PFKP: variants seen among roughly 807,000 people sequenced by gnomAD.
The protein encoded by PFKP is ATP-dependent 6-phosphofructokinase, platelet type.
In PFKP, 101 loss-of-function variants were observed where a neutral mutation model predicts 94.3. That is an observed-to-expected ratio of 1.07 (90% CI 0.91 to 1.26). The LOEUF (loss-of-function observed/expected upper bound fraction) is 1.26, where lower values mean the gene tolerates loss of function less well. Ranked by LOEUF, PFKP falls within the 50% of genes most tolerant of loss-of-function variation. The probability of loss-of-function intolerance (pLI) is 0.00; values close to 1 mark genes in which losing one functional copy is unlikely to be tolerated. For missense variants in PFKP, 1,145 were observed against 1,103.3 expected (o/e 1.04, Z -0.53); for synonymous variants, 573 against 432.6 (o/e 1.32, Z -4.03).
chr10:3,112,150 T>C, intron 10 of PFKP, 72 bp from the exon 11 acceptor site: 1 of 1,273,970 alleles, frequency 7.8e-7, no homozygotes, highest in South Asian at 1.2e-5. Flanking sequence ...ACCGAGCCAG[T>C]CTCTACCTAC....
intron 1 of PFKP, chr10:3,069,425 C>G (rs762732855): frequency 1.3e-6 from 2 of 1,559,218 alleles, no homozygotes; most frequent in African/African-American, 2.7e-5. Flanking sequence ...GGGATAGGAC[C>G]CAGAGTGGCT....
chr10:3,109,591 C>A (rs75614428), intron 10 of PFKP, 111 bp downstream of exon 10: 3 of 1,336,498 alleles, frequency 2.2e-6, no homozygotes, highest in Admixed American at 2.0e-5. Flanking sequence ...ATGCATTACA[C>A]GGCCTTTCTG....
chr10:3,086,328 TTC>T (rs1833596568), intron 2 of PFKP, among the ~76,000 whole-genome samples: 1 of 152,166 alleles, frequency 6.6e-6, no homozygotes, highest in Non-Finnish European at 1.5e-5. Context: ...AGGAAATCAC[TTC>T]TCTTATTTCA....
chr10:3,087,989 T>TC (rs1554762407), intron 2 of PFKP, among the ~76,000 whole-genome samples: 2 of 137,846 alleles, frequency 1.5e-5, no homozygotes, highest in Non-Finnish European at 3.1e-5. Flanking sequence ...TCATTCTTTT[T>TC]TTTTTTTTTT....
chr10:3,120,716 G>A (rs1366706781), intron 16 of PFKP, among the ~76,000 whole-genome samples: 1 of 152,110 alleles, frequency 6.6e-6, no homozygotes, highest in Non-Finnish European at 1.5e-5. Flanking sequence ...CTTGAGTGCG[G>A]TGGTGTGATC....
chr10:3,132,354 C>T, intron 17 of PFKP, 26 bp from the exon 18 acceptor site: 6 of 1,565,178 alleles, frequency 3.8e-6, no homozygotes, highest in Non-Finnish European at 5.3e-6. Context: ...AGTTTATTGT[C>T]TGATTAACAA....
chr10:3,079,674 G>GGGGGGGGGGGGGGGGT (rs1832892219), intron 1 of PFKP, among the ~76,000 whole-genome samples: 1 of 74,446 alleles, frequency 1.3e-5, no homozygotes, highest in Non-Finnish European at 2.9e-5. Flanking sequence ...GGGGGGGGGG[G>GGGGGGGGGGGGGGGGT]AAGAGGAGCA....
chr10:3,094,775 C>T (rs1834344909), intron 2 of PFKP, among the ~76,000 whole-genome samples: 1 of 152,148 alleles, frequency 6.6e-6, no homozygotes, highest in Non-Finnish European at 1.5e-5. Context: ...TGCATGCATG[C>T]TCTGAATTCT....
chr10:3,076,742 C>T (rs114849124), intron 1 of PFKP, among the ~76,000 whole-genome samples: 87 of 152,260 alleles, frequency 5.7e-4, no homozygotes, highest in African/African-American at 2.0e-3. Flanking sequence ...TTGGGGCACC[C>T]GAGCTGGACA....
At chr10:3,131,646 CG>C (rs1554779922) in intron 17 of PFKP, among the ~76,000 whole-genome samples, 1 of 151,696 alleles carries the variant, frequency 6.6e-6, no homozygotes, top group Non-Finnish European at 1.5e-5. Context: ...TTAGTAGAGA[CG>C]GGGGTTTCAC....
rs764177216 is a variant in PFKP, at chr10:3,082,480, C to T, written c.186+19C>T. On this transcript the variant is annotated intron_variant, in intron 2 of 21. Transcript: ENST00000381125. ...CTACGAGGTCAGTGTCTGCCCCTCA[C>T]CCCCTGTCGCCCTTCTTCCACCTGC... is the stretch of plus-strand genomic sequence containing the variant. 4 of 1,575,172 alleles carry T rather than the reference C, an allele frequency of 2.5e-6. No homozygotes were observed. Among genetic ancestry groups the T allele is most frequent in the Admixed American group, 1.7e-5 (1 of 58,024 alleles).
chr10:3,091,949 C>G (rs1265562422), intron 2 of PFKP, among the ~76,000 whole-genome samples: 1 of 152,092 alleles, frequency 6.6e-6, no homozygotes, highest in Non-Finnish European at 1.5e-5. Flanking sequence ...CTAGTTTTTT[C>G]CATGATTAAA....
intron 4 of PFKP, among the ~76,000 whole-genome samples, chr10:3,101,978 G>A (rs192310316): frequency 1.0e-3 from 154 of 150,882 alleles, no homozygotes; most frequent in African/African-American, 3.2e-3. Context: ...TGGGCCGGGC[G>A]CGGTGGCTCA....
At chr10:3,110,098 T>C (rs80250512) in intron 10 of PFKP, among the ~76,000 whole-genome samples, 2,435 of 152,296 alleles carry the variant, frequency 0.016, 63 homozygotes, top group African/African-American at 0.056. Context: ...CAGGGAACTG[T>C]CTGCCTGCAA....
intron 2 of PFKP, among the ~76,000 whole-genome samples, chr10:3,088,367 G>A (rs1422743238): frequency 1.3e-5 from 2 of 152,080 alleles, no homozygotes; most frequent in Admixed American, 6.6e-5. Flanking sequence ...TGGTGTATAT[G>A]TGCCACATTT....
intron 1 of PFKP, chr10:3,069,501 CAAG>C: frequency 1.1e-6 from 1 of 940,814 alleles, no homozygotes; most frequent in Non-Finnish European, 1.6e-6. Context: ...CCGCGAAAGA[CAAG>C]AAACCTTTGG....
intron 2 of PFKP, among the ~76,000 whole-genome samples, chr10:3,098,979 C>G (rs111365592): frequency 0.04 from 6,057 of 152,198 alleles, 337 homozygotes; most frequent in African/African-American, 0.12. Context: ...CAACCTCTAG[C>G]GAAACACGAC....
intron 16 of PFKP, among the ~76,000 whole-genome samples, chr10:3,120,978 T>C (rs1564337742): frequency 1.3e-5 from 2 of 152,252 alleles, no homozygotes; most frequent in Non-Finnish European, 2.9e-5. Flanking sequence ...ATTTTTCTTG[T>C]GAGACTTGGT....
intron 2 of PFKP, among the ~76,000 whole-genome samples, chr10:3,084,037 C>T (rs893702316): frequency 1.3e-5 from 2 of 152,186 alleles, no homozygotes; most frequent in African/African-American, 4.8e-5. Flanking sequence ...TGGTATTGCA[C>T]TATTTAGCTT....
Sources: allele counts gnomAD v4.1 joint callset (sites outside exome capture counted in the v4.1 genomes callset), GRCh38; gene constraint gnomAD v4.1.1; transcripts MANE v1.5; gene names NCBI Gene and HGNC (gene_info 2026-07-23, HGNC 2026-07-21).